The following DPCD variants were observed in gnomAD, a reference collection of about 807,000 sequenced individuals.
DPCD encodes deleted in primary ciliary dyskinesia homolog (mouse), also known as protein DPCD.
Under a neutral mutation model 26.4 loss-of-function variants are expected in DPCD, and 20 were observed. The ratio of observed to expected loss-of-function variants is 0.76; its 90% CI spans 0.53 to 1.10. The LOEUF is 1.10. Among genes scored for constraint, DPCD ranks in the 50% least tolerant of loss-of-function variants. The pLI, the probability that DPCD is intolerant of heterozygous loss-of-function variation, is 0.00. For synonymous variants in DPCD, 97 were observed against 94.2 expected (o/e 1.03, Z -0.17); for missense variants, 202 against 253.9 (o/e 0.80, Z 1.39).
At chr10:101,601,155 C>A (rs771549730) in intron 3 of DPCD, 48 bp from the exon 4 acceptor site, 1 of 1,610,168 alleles carries the variant, frequency 6.2e-7, no homozygotes, top group Non-Finnish European at 8.5e-7. Flanking sequence ...GAGGGTGGAG[C>A]CTTCCCTTCC....
chr10:101,609,475 G>C lies in DPCD; in HGVS notation c.*4G>C, dbSNP rs1564898078. 1.2e-6 allele frequency: 2 copies of C among 1,613,456 alleles called. No homozygotes were observed. Among genetic ancestry groups the C allele is most frequent in the Admixed American group, 3.3e-5 (2 of 59,932 alleles). On this transcript the variant is annotated 3_prime_UTR_variant, in exon 6 of 6. Coordinates refer to ENST00000370151, the MANE Select transcript of DPCD (RefSeq NM_015448.3). Reference sequence around the variant, plus strand: ...TGGGGACTGCAAGACCCAGTAGTTGGCCCCTGAGCCTTATACCTCCACCAC... The same window carrying C: ...TGGGGACTGCAAGACCCAGTAGTTGCCCCCTGAGCCTTATACCTCCACCAC...
At chr10:101,599,223 A>G (rs557189338) in intron 2 of DPCD, among the ~76,000 whole-genome samples, 14 of 152,346 alleles carry the variant, frequency 9.2e-5, no homozygotes, top group African/African-American at 3.4e-4. Flanking sequence ...ATCTTTTCAC[A>G]ATAAGCTGCT....
intron 1 of DPCD, among the ~76,000 whole-genome samples, chr10:101,592,037 C>CA (rs2063613006): frequency 6.6e-6 from 1 of 151,744 alleles, no homozygotes; most frequent in Non-Finnish European, 1.5e-5. Flanking sequence ...TGCATACACT[C>CA]ACAGTTATTT....
intron 2 of DPCD, 24 bp downstream of exon 2, chr10:101,594,762 G>A (rs1306700674): frequency 6.2e-7 from 1 of 1,607,736 alleles, no homozygotes; most frequent in Non-Finnish European, 8.5e-7. Context: ...GCTCCCAGTG[G>A]GCCTTTAGTA....
chr10:101,604,708 A>C (rs1286758791), intron 4 of DPCD, among the ~76,000 whole-genome samples: 1 of 152,206 alleles, frequency 6.6e-6, no homozygotes, highest in East Asian at 1.9e-4. Context: ...TGTTGGGTTA[A>C]ATCTGGCCTC....
chr10:101,595,376 G>A (rs1334387603), intron 2 of DPCD, among the ~76,000 whole-genome samples: 1 of 152,158 alleles, frequency 6.6e-6, no homozygotes, highest in Non-Finnish European at 1.5e-5. Flanking sequence ...GTGCACATCA[G>A]CATTAACCAG....
chr10:101,592,970 C>T (rs925418347), intron 1 of DPCD, among the ~76,000 whole-genome samples: 2 of 150,502 alleles, frequency 1.3e-5, no homozygotes, highest in Non-Finnish European at 3.0e-5. Context: ...GCCGAGATCA[C>T]ACCACTGCAC....
intron 4 of DPCD, 73 bp downstream of exon 4, chr10:101,601,409 G>A (rs2134772373): frequency 6.5e-7 from 1 of 1,546,230 alleles, no homozygotes; most frequent in South Asian, 1.1e-5. Context: ...TCTGGCGTTA[G>A]GATCATTATT....
intron 1 of DPCD, among the ~76,000 whole-genome samples, chr10:101,591,566 C>A (rs2063607784): frequency 6.6e-6 from 1 of 151,964 alleles, no homozygotes; most frequent in Admixed American, 6.6e-5. Context: ...CTATTGATAT[C>A]TTGGGCTGGA....
chr10:101,589,866 AGAGT>A (rs1589718076), intron 1 of DPCD, among the ~76,000 whole-genome samples: 1 of 152,166 alleles, frequency 6.6e-6, no homozygotes, highest in Non-Finnish European at 1.5e-5. Flanking sequence ...CCTGGGTGAC[AGAGT>A]GAGTGAGACT....
rs1191633914 is a variant in DPCD at position 101,600,677 on chromosome 10, C to T, written c.146-61C>T. ...GTGATTCAGCAGAAAAGAGCAGAGA[C>T]CCTCTCTTCACTCTCATCCTGATGC... On this transcript the variant is annotated intron_variant, in intron 2 of 5. Transcript: ENST00000370151. The surrounding 1 kb of genome is among the most constrained non-coding windows in gnomAD (Gnocchi z 4.7). 6.4e-7 allele frequency: 1 copy of T among 1,569,842 alleles called. No homozygotes were observed. Among genetic ancestry groups the T allele is most frequent in the Non-Finnish European group, 8.6e-7 (1 of 1,159,490 alleles).
At position 101,609,659 on chromosome 10, in the gene DPCD, T is replaced by C. The variant is rs1317650181; in HGVS notation, c.*188T>C. On this transcript the variant is annotated 3_prime_UTR_variant, in exon 6 of 6. Transcript: ENST00000370151. Reference sequence around the variant, plus strand: ...AGTAAAGTCATTCTGAGTTACTTACTGCACAGGGACTGCCCTCTTGTTCCC... The same window carrying C: ...AGTAAAGTCATTCTGAGTTACTTACCGCACAGGGACTGCCCTCTTGTTCCC... 7 of 593,076 alleles carry C rather than the reference T, an allele frequency of 1.2e-5. No individual in the cohort carries two copies. The highest frequency in any genetic ancestry group is 6.0e-5 in the Admixed American group (2 of 33,204). The allele number at this position is 593,076 out of a possible 1,614,324, so 36.7% of individuals were successfully genotyped here.
intron 2 of DPCD, among the ~76,000 whole-genome samples, chr10:101,596,955 T>C (rs570441455): frequency 2.2e-4 from 33 of 152,038 alleles, no homozygotes; most frequent in Non-Finnish European, 2.8e-4. Flanking sequence ...TGGGACAGAG[T>C]TCCTCCCGTC....
chr10:101,589,002 G>T (rs1385637876), intron 1 of DPCD, among the ~76,000 whole-genome samples: 1 of 152,264 alleles, frequency 6.6e-6, no homozygotes, highest in Non-Finnish European at 1.5e-5. Flanking sequence ...GAAGAAGTGG[G>T]CACAGGGGCA....
chr10:101,594,509 G>C, intron 1 of DPCD, 149 bp from the exon 2 acceptor site: 1 of 686,402 alleles, frequency 1.5e-6, no homozygotes. Flanking sequence ...AGTAATGGTG[G>C]GTGGTGGTTG....
intron 4 of DPCD, 171 bp downstream of exon 4, chr10:101,601,507 A>G (rs1280736054): frequency 6.0e-6 from 1 of 167,468 alleles, no homozygotes; most frequent in African/African-American, 2.4e-5. Flanking sequence ...TAATGTAATC[A>G]GCTCCATCGG....
chr10:101,608,963 C>G (rs371576475), intron 5 of DPCD, 26 bp downstream of exon 5: 2 of 1,561,012 alleles, frequency 1.3e-6, no homozygotes, highest in South Asian at 2.2e-5. Context: ...ACTTCTTGGA[C>G]ACTGCATCAG....
intron 2 of DPCD, chr10:101,596,526 A>AT (rs1410359819): frequency 1.3e-5 from 2 of 152,212 alleles, no homozygotes; most frequent in African/African-American, 2.4e-5. Context: ...CCTCAACAAC[A>AT]TAGTGCTGGG....
chr10:101,591,019 C>T (rs953121366), intron 1 of DPCD, among the ~76,000 whole-genome samples: 4 of 152,144 alleles, frequency 2.6e-5, no homozygotes, highest in Non-Finnish European at 4.4e-5. Flanking sequence ...GGATCCTTTC[C>T]AGCTGTAATA....
Sources: gnomAD v4.1 joint callset for allele counts (sites outside exome capture counted in the v4.1 genomes callset) on GRCh38, gnomAD v4.1.1 for gene constraint, Gnocchi (gnomAD v3.1) non-coding constraint, MANE v1.5 for transcripts, NCBI Gene and HGNC (gene_info 2026-07-23, HGNC 2026-07-21) for gene names.